The following PSMC4 variants were observed in gnomAD, a reference collection of about 807,000 sequenced individuals.
PSMC4 encodes the protein proteasome 26S subunit, ATPase 4, also known as 26S proteasome regulatory subunit 6B.
Under a neutral mutation model 48.4 loss-of-function variants are expected in PSMC4, and 13 were observed. That is an observed-to-expected ratio of 0.27 (90% CI 0.18 to 0.43). The LOEUF is 0.43. Ranked by LOEUF, PSMC4 falls within the 20% of genes least tolerant of loss-of-function variation. The pLI is 1.00. For synonymous variants in PSMC4, 202 were observed against 212.3 expected, an observed-to-expected ratio of 0.95 and a Z score of 0.42; for missense variants, 262 against 555.9, an observed-to-expected ratio of 0.47 and a Z score of 5.32.
At position 39,981,299 on chromosome 19, in the gene PSMC4, C is replaced by T. The variant is rs748307368; in HGVS notation, c.1251C>T (p.Tyr417=). 3.1e-6 allele frequency: 5 copies of T among 1,612,506 alleles called. No homozygotes were observed. Among genetic ancestry groups the T allele is most frequent in the Non-Finnish European group, 3.4e-6 (4 of 1,178,664 alleles). ...IKKDEQEHEF[Y]K is the part of the protein sequence containing the mutation. ...AGGACGAGCAGGAGCATGAGTTTTA[C>T]AAGTGACCCTTCCCTTCCCTCCACC... is the stretch of plus-strand genomic sequence containing the variant. The change falls in exon 11 of 11, where the codon TAC becomes TAT. Residue 417 remains tyrosine, a synonymous_variant. Transcript: ENST00000157812.
rs537013264 is a variant in PSMC4 at position 39,981,423 on chromosome 19, A to G, written c.*118A>G. ...TACCCAGGATTGGTTTCTTCAATAA[A>G]TAGATAAGATCGAATCCATTTAATT... On this transcript the variant is annotated 3_prime_UTR_variant, in exon 11 of 11. Coordinates refer to ENST00000157812, the MANE Select transcript of PSMC4 (RefSeq NM_006503.4). 3.0e-5 allele frequency: 21 copies of G among 690,702 alleles called. No individual in the cohort carries two copies. The South Asian group carries it at 3.1e-4, about 10-fold the overall frequency. The allele number at this position is 690,702 out of a possible 1,614,324, so 42.8% of individuals were successfully genotyped here.
intron 3 of PSMC4, 52 bp downstream of exon 3, chr19:39,972,607 T>G: frequency 1.3e-6 from 2 of 1,520,522 alleles, no homozygotes; most frequent in African/African-American, 1.4e-5. Flanking sequence ...AACTATTTCC[T>G]ACCATGTGCT....
chr19:39,979,842 G>C lies in PSMC4; in HGVS notation c.699G>C (p.Ser233=), dbSNP rs11542837. ...TTAAFIRVVG[S]EFVQKYLGEG... is the part of the protein sequence containing the mutation. ...CTGCATTCATCCGGGTCGTGGGCTC[G>C]GAGTTTGTACAGAAGTATCTGGGTG... Residue 233 remains serine (S), a synonymous_variant, in exon 7 of 11, where the codon TCG becomes TCC. Coordinates refer to ENST00000157812, the MANE Select transcript of PSMC4 (RefSeq NM_006503.4). 1.2e-6 allele frequency: 2 copies of C among 1,614,084 alleles called. No individual in the cohort carries two copies. The highest frequency in any genetic ancestry group is 1.7e-6 in the Non-Finnish European group (2 of 1,179,988).
chr19:39,981,588 A>G lies in PSMC4; in HGVS notation c.*283A>G. On this transcript the variant is annotated 3_prime_UTR_variant, in exon 11 of 11. Coordinates refer to ENST00000157812, the MANE Select transcript of PSMC4 (RefSeq NM_006503.4). ...AGAACCAAAATATTCAAACCAGATG[A>G]CTTCCAAAATGTGGGGAAAGGGATG... The G allele has an allele frequency of 3.1e-6, 1 of 320,886 alleles. No homozygotes were observed. Among genetic ancestry groups the G allele is most frequent in the East Asian group, 6.1e-5 (1 of 16,434 alleles). The allele number at this position is 320,886 out of a possible 1,614,324, so 19.9% of individuals were successfully genotyped here.
At chr19:39,979,794 A>G (rs1971260216) in intron 6 of PSMC4, 23 bp from the exon 7 acceptor site, 1 of 1,599,326 alleles carries the variant, frequency 6.3e-7, no homozygotes. Context: ...ATTCCCGCCT[A>G]ACTGTTGTCA....
chr19:39,981,040 A>G, intron 10 of PSMC4, 152 bp from the exon 11 acceptor site: 2 of 630,568 alleles, frequency 3.2e-6, no homozygotes, highest in Non-Finnish European at 5.6e-6. Context: ...TATTTTTTGT[A>G]GAGACAGGGT....
Position 39,980,408 on chromosome 19 carries a change from T to C in PSMC4, c.1041T>C (p.Thr347=), listed in dbSNP as rs1353495490. ...GCCAGAAGAGATTGATTTTCTCCAC[T>C]ATCACTAGCAAGATGAACCTCTCTG... is the stretch of plus-strand genomic sequence containing the variant. ...DRRQKRLIFS[T]ITSKMNLSEE... is the part of the protein sequence containing the mutation. Residue 347 remains threonine, a synonymous_variant, in exon 9 of 11, where the codon ACT becomes ACC. Transcript: ENST00000157812. The surrounding 1 kb of genome is among the most constrained non-coding windows in gnomAD (Gnocchi z 4.8). 3 of 1,614,126 alleles carry C rather than the reference T, an allele frequency of 1.9e-6. No homozygotes were observed. The highest frequency in any genetic ancestry group is 3.3e-5 in the Admixed American group (2 of 60,018).
Position 39,980,292 on chromosome 19 carries a change from A to G in PSMC4, c.925A>G (p.Met309Val). The G allele has an allele frequency of 6.2e-7, 1 of 1,613,974 alleles. No homozygotes were observed. The highest frequency in any genetic ancestry group is 8.5e-7 in the Non-Finnish European group (1 of 1,179,958). Residue 309 changes from methionine (M) to valine (V), a missense_variant, in exon 9 of 11, where the codon ATG (methionine) becomes GTG (valine). Coordinates refer to ENST00000157812, the MANE Select transcript of PSMC4 (RefSeq NM_006503.4). The surrounding 1 kb of genome is among the most constrained non-coding windows in gnomAD (Gnocchi z 4.8). ...FDQNVNVKVI[M>V]ATNRADTLDP... The stretch of plus-strand genomic sequence containing the variant: ...GCCTGCCCCCCAATGTCAGGTAATC[A>G]TGGCCACAAACAGAGCAGACACCCT...
intron 6 of PSMC4, among the ~76,000 whole-genome samples, chr19:39,976,351 G>A (rs1468860699): frequency 3.0e-5 from 4 of 132,792 alleles, no homozygotes; most frequent in African/African-American, 5.8e-5. Context: ...GCAGTGAGCC[G>A]AGATGGCGCC....
Position 39,974,682 on chromosome 19 carries a change from G to T in PSMC4, c.579+49G>T. On this transcript the variant is annotated intron_variant, in intron 5 of 10. Transcript: ENST00000157812. The surrounding 1 kb of genome is among the most constrained non-coding windows in gnomAD (Gnocchi z 5.5). Reference sequence around the variant, plus strand: ...AAGGGAGAGGCCCCATTGGGTCTGGGGTTGGAGGTGGAACCCCTGACTCCC... The same window carrying T: ...AAGGGAGAGGCCCCATTGGGTCTGGTGTTGGAGGTGGAACCCCTGACTCCC... 6.2e-7 allele frequency: 1 copy of T among 1,612,656 alleles called. No individual in the cohort carries two copies. Among genetic ancestry groups the T allele is most frequent in the Non-Finnish European group, 8.5e-7 (1 of 1,178,750 alleles).
chr19:39,971,573 G>C (rs561254509), intron 1 of PSMC4, among the ~76,000 whole-genome samples: 1 of 152,284 alleles, frequency 6.6e-6, no homozygotes, highest in South Asian at 2.1e-4. Flanking sequence ...GGATCCCGCC[G>C]TGCGGCCGAG....
In PSMC4 at chr19:39,980,587, A is replaced by T. The variant is rs1971273263; in HGVS notation, c.1088-75A>T. 1 of 1,589,228 alleles carries T rather than the reference A, an allele frequency of 6.3e-7. No individual in the cohort carries two copies. Among genetic ancestry groups the T allele is most frequent in the Non-Finnish European group, 8.6e-7 (1 of 1,157,948 alleles). ...GTCCAGGGAGGAGGGGAGGTGACAG[A>T]GATGGCCAAAGATGACTTCCAGCCC... On this transcript the variant is annotated intron_variant, in intron 9 of 10. Transcript: ENST00000157812. The surrounding 1 kb of genome is among the most constrained non-coding windows in gnomAD (Gnocchi z 4.8).
Position 39,980,757 on chromosome 19 carries a change from G to A in PSMC4, c.1143+40G>A. 1 of 1,595,506 alleles carries A rather than the reference G, an allele frequency of 6.3e-7. No homozygotes were observed. Among genetic ancestry groups the A allele is most frequent in the East Asian group, 2.2e-5 (1 of 44,762 alleles). On this transcript the variant is annotated intron_variant, in intron 10 of 10. Coordinates refer to ENST00000157812, the MANE Select transcript of PSMC4 (RefSeq NM_006503.4). This position sits in a 1 kb window ranked among gnomAD's most constrained non-coding sequence, Gnocchi z 4.8. ...CTCTCTGGATCCAGGCAGCGGGTGT[G>A]TGAGGACCCTTCTTCTCTGAACCAC...
Position 39,980,464 on chromosome 19 carries a change from T to C in PSMC4, c.1087+10T>C. The C allele has an allele frequency of 6.2e-7, 1 of 1,613,688 alleles. No homozygotes were observed. Among genetic ancestry groups the C allele is most frequent in the South Asian group, 1.1e-5 (1 of 91,070 alleles). On this transcript the variant is annotated intron_variant, in intron 9 of 10. Coordinates refer to ENST00000157812, the MANE Select transcript of PSMC4 (RefSeq NM_006503.4). The surrounding 1 kb of genome is among the most constrained non-coding windows in gnomAD (Gnocchi z 4.8). Reference sequence around the variant, plus strand: ...GTTGACTTGGAAGACTGTATCCTGCTCCAGAAGTCAGGGAGGGGCCCTAGT... The same window carrying C: ...GTTGACTTGGAAGACTGTATCCTGCCCCAGAAGTCAGGGAGGGGCCCTAGT...
At chr19:39,977,822 CAA>C (rs1228247125) in intron 6 of PSMC4, among the ~76,000 whole-genome samples, 1 of 141,968 alleles carries the variant, frequency 7.0e-6, no homozygotes, top group Admixed American at 7.0e-5. Context: ...ATTCTGTTTC[CAA>C]AAAAAAAAAG....
Position 39,980,621 on chromosome 19 carries a change from T to A in PSMC4, c.1088-41T>A. On this transcript the variant is annotated intron_variant, in intron 9 of 10. Transcript: ENST00000157812. The surrounding 1 kb of genome is among the most constrained non-coding windows in gnomAD (Gnocchi z 4.8). ...AAGATGACTTCCAGCCCCAGGCATTTACCCCATCACACAGGGAATAGTTTC... is the reference window on the plus strand; with the variant it reads ...AAGATGACTTCCAGCCCCAGGCATTAACCCCATCACACAGGGAATAGTTTC... 2 of 1,609,836 alleles carry A rather than the reference T, an allele frequency of 1.2e-6. No homozygotes were observed. Among genetic ancestry groups the A allele is most frequent in the Non-Finnish European group, 1.7e-6 (2 of 1,176,202 alleles).
At chr19:39,971,873 A>G (rs952618948) in intron 1 of PSMC4, among the ~76,000 whole-genome samples, 2 of 152,136 alleles carry the variant, frequency 1.3e-5, no homozygotes, top group African/African-American at 2.4e-5. Flanking sequence ...TGTGACGTTT[A>G]GATCCTAGTT....
In PSMC4 at chr19:39,980,776, GA is replaced by G; in HGVS notation, c.1143+61del. The G allele has an allele frequency of 6.5e-7, 1 of 1,544,950 alleles. No homozygotes were observed. The highest frequency in any genetic ancestry group is 8.9e-7 in the Non-Finnish European group (1 of 1,117,530). On this transcript the variant is annotated intron_variant, in intron 10 of 10. Coordinates refer to ENST00000157812, the MANE Select transcript of PSMC4 (RefSeq NM_006503.4). This position sits in a 1 kb window ranked among gnomAD's most constrained non-coding sequence, Gnocchi z 4.8. ...GGGTGTGTGAGGACCCTTCTTCTCT[GA>G]ACCACTCTGCTGCAGTCCTGTCCCC...
In PSMC4 at chr19:39,980,264, C is replaced by G. The variant is rs234342; in HGVS notation, c.919-22C>G. The G allele has an allele frequency of 9.9e-6, 16 of 1,613,408 alleles. No individual in the cohort carries two copies. The highest frequency in any genetic ancestry group is 1.6e-4 in the Middle Eastern group (1 of 6,082). On this transcript the variant is annotated intron_variant, in intron 8 of 10. Transcript: ENST00000157812. This position sits in a 1 kb window ranked among gnomAD's most constrained non-coding sequence, Gnocchi z 4.8. Reference sequence around the variant, plus strand: ...GGAGGTAGGAGTGCAGAGATCTGAGCTGGCCTGCCCCCCAATGTCAGGTAA... The same window carrying G: ...GGAGGTAGGAGTGCAGAGATCTGAGGTGGCCTGCCCCCCAATGTCAGGTAA...
Sources: allele counts gnomAD v4.1 joint callset (sites outside exome capture counted in the v4.1 genomes callset), GRCh38; gene constraint gnomAD v4.1.1; non-coding constraint Gnocchi (gnomAD v3.1); transcripts MANE v1.5; gene names NCBI Gene and HGNC (gene_info 2026-07-23, HGNC 2026-07-21).